SH3RF2: variants seen among roughly 807,000 people sequenced by gnomAD.
SH3RF2 encodes E3 ubiquitin-protein ligase SH3RF2.
SH3RF2 carries 43 observed loss-of-function variants against 59.0 expected under a neutral mutation model. The ratio of observed to expected loss-of-function variants is 0.73; its 90% confidence interval spans 0.57 to 0.94. SH3RF2 has a LOEUF of 0.94. Ranked by LOEUF, SH3RF2 falls within the 40% of genes least tolerant of loss-of-function variation. The probability of loss-of-function intolerance (pLI) is 0.00; values close to 1 mark genes in which losing one functional copy is unlikely to be tolerated. For synonymous variants in SH3RF2, 391 were observed against 391.5 expected (o/e 1.00, Z 0.01); for missense variants, 930 against 940.1 (o/e 0.99, Z 0.14).
intron 9 of SH3RF2, among the ~76,000 whole-genome samples, chr5:146,061,661 T>C (rs1013300522): frequency 1.3e-5 from 2 of 152,108 alleles, no homozygotes; most frequent in African/African-American, 4.8e-5. Context: ...TACCTATGGG[T>C]GCCTAGCAGA....
intron 3 of SH3RF2, among the ~76,000 whole-genome samples, chr5:146,003,741 A>G (rs1031019486): frequency 6.6e-6 from 1 of 152,216 alleles, no homozygotes; most frequent in Non-Finnish European, 1.5e-5. Context: ...TATGGCTTCC[A>G]TCTTGATTTC....
At chr5:145,999,463 A>G (rs551090134) in intron 2 of SH3RF2, among the ~76,000 whole-genome samples, 55 of 152,334 alleles carry the variant, frequency 3.6e-4, no homozygotes, top group African/African-American at 1.3e-3. Context: ...CTTTTGGCCT[A>G]TCTCAGCTTT....
At chr5:146,055,922 T>C (rs1762647695) in intron 7 of SH3RF2, 59 bp from the exon 8 acceptor site, 12 of 1,571,620 alleles carry the variant, frequency 7.6e-6, no homozygotes, top group Non-Finnish European at 1.0e-5. Context: ...AATAGGACTC[T>C]TGACTGAACA....
At chr5:146,037,886 G>A (rs1761995717) in intron 5 of SH3RF2, among the ~76,000 whole-genome samples, 1 of 152,140 alleles carries the variant, frequency 6.6e-6, no homozygotes, top group Non-Finnish European at 1.5e-5. Context: ...GAAAGGAAAA[G>A]TATAGTTCTG....
chr5:145,975,272 C>T (rs920626729), intron 2 of SH3RF2, among the ~76,000 whole-genome samples: 25 of 152,208 alleles, frequency 1.6e-4, no homozygotes, highest in African/African-American at 5.8e-4. Context: ...AAAATGGCTC[C>T]AAAAGTGCCA....
chr5:146,030,919 T>A (rs1434137716), intron 5 of SH3RF2, among the ~76,000 whole-genome samples: 2 of 152,206 alleles, frequency 1.3e-5, no homozygotes, highest in Admixed American at 1.3e-4. Flanking sequence ...AAGGAAACAG[T>A]TAGGCAGTAG....
At chr5:146,011,118 A>T (rs560257876) in intron 4 of SH3RF2, among the ~76,000 whole-genome samples, 1 of 152,244 alleles carries the variant, frequency 6.6e-6, no homozygotes, top group South Asian at 2.1e-4. Flanking sequence ...TTTTCCCAGC[A>T]CCATTTATTA....
In SH3RF2 at chr5:146,062,596, C is replaced by T; in HGVS notation, c.2085C>T (p.Cys695=). The T allele has an allele frequency of 6.2e-7, 1 of 1,614,200 alleles. No homozygotes were observed. The highest frequency in any genetic ancestry group is 8.5e-7 in the Non-Finnish European group (1 of 1,180,016). The part of the protein sequence containing the change: ...MTVLFAHRSG[C]HSGQQTDLRR... ...TCCTATTTGCCCACCGAAGTGGCTGCCACTCCGGACAGCAGACAGACCTCC... is the reference window on the plus strand; with the variant it reads ...TCCTATTTGCCCACCGAAGTGGCTGTCACTCCGGACAGCAGACAGACCTCC... Residue 695 remains cysteine (C), a synonymous_variant, in exon 10 of 10, where the codon TGC becomes TGT. Transcript: ENST00000359120.
intron 4 of SH3RF2, among the ~76,000 whole-genome samples, chr5:146,010,274 A>G (rs576883887): frequency 6.6e-6 from 1 of 152,312 alleles, no homozygotes; most frequent in Non-Finnish European, 1.5e-5. Flanking sequence ...AATCCAGTCT[A>G]TCAGTGATGG....
chr5:145,988,073 G>A (rs1759785884), intron 2 of SH3RF2, among the ~76,000 whole-genome samples: 1 of 152,140 alleles, frequency 6.6e-6, no homozygotes, highest in South Asian at 2.1e-4. Flanking sequence ...GCACATTAGG[G>A]CAGAGTCCAG....
In SH3RF2 at chr5:145,999,155, T is replaced by A. The variant is rs1760289826; in HGVS notation, c.379-903T>A. 3.3e-5 allele frequency among the ~76,000 whole-genome samples: 5 copies of A among 152,210 alleles called. No individual in the cohort carries two copies. In the South Asian group the frequency reaches 1.0e-3, roughly 32 times the overall value. On this transcript the variant is annotated intron_variant, in intron 2 of 9. Transcript: ENST00000359120. ...TTTTATGTTATAGAGACAGCTTCTCTTCTTAAACCTCAGACTATCTCTGCC... is the reference window on the plus strand; with the variant it reads ...TTTTATGTTATAGAGACAGCTTCTCATCTTAAACCTCAGACTATCTCTGCC...
At chr5:145,997,609 AG>A in intron 2 of SH3RF2, 2 of 1,599,538 alleles carry the variant, frequency 1.3e-6, no homozygotes, top group Non-Finnish European at 8.6e-7. Flanking sequence ...TTTAAGTTTA[AG>A]AAAATTACTT....
At chr5:145,976,751 G>A (rs931066779) in intron 2 of SH3RF2, among the ~76,000 whole-genome samples, 3 of 152,222 alleles carry the variant, frequency 2.0e-5, no homozygotes, top group African/African-American at 7.2e-5. Context: ...ACAAAATCTT[G>A]CATGCCTAAG....
At chr5:146,074,451 G>A (rs1169620747) in intron 9 of SH3RF2, among the ~76,000 whole-genome samples, 1 of 152,000 alleles carries the variant, frequency 6.6e-6, no homozygotes, top group Non-Finnish European at 1.5e-5. Context: ...TCTCTACAAC[G>A]AGGGACTTGG....
At chr5:145,973,152 T>C (rs1759152837) in intron 2 of SH3RF2, among the ~76,000 whole-genome samples, 1 of 151,726 alleles carries the variant, frequency 6.6e-6, no homozygotes. Context: ...GTTGAAAAAA[T>C]AAAAGTGGTT....
At chr5:145,976,775 G>C (rs901833035) in intron 2 of SH3RF2, among the ~76,000 whole-genome samples, 1 of 152,206 alleles carries the variant, frequency 6.6e-6, no homozygotes, top group Non-Finnish European at 1.5e-5. Context: ...TCGATTAATA[G>C]CTGGGCTTAC....
At position 145,997,833 on chromosome 5, in the gene SH3RF2, C is replaced by T. The variant is rs942011723; in HGVS notation, c.379-2225C>T. 1.3e-5 allele frequency: 17 copies of T among 1,359,618 alleles called. No individual in the cohort carries two copies. The East Asian group carries it at 3.7e-4, about 29-fold the overall frequency. 84.2% of individuals were successfully genotyped at this position (1,359,618 alleles called of 1,614,324 possible). ...AGGATCCCCCGCCGAAATAGAAGTA[C>T]CTGCAAAAACAACTCACATCTTGAA... On this transcript the variant is annotated intron_variant, in intron 2 of 9. Coordinates refer to ENST00000359120, the MANE Select transcript of SH3RF2 (RefSeq NM_152550.4).
At chr5:145,956,764 G>A (rs527344941) in intron 2 of SH3RF2, among the ~76,000 whole-genome samples, 9 of 152,344 alleles carry the variant, frequency 5.9e-5, no homozygotes, top group African/African-American at 2.2e-4. Context: ...TGTAAAGAAA[G>A]GATTGTGAAG....
intron 4 of SH3RF2, among the ~76,000 whole-genome samples, chr5:146,008,587 T>C (rs1036248393): frequency 3.3e-5 from 5 of 152,202 alleles, no homozygotes; most frequent in Non-Finnish European, 7.3e-5. Flanking sequence ...CCCCTATTTC[T>C]GTTCTGGCAC....
Sources: allele counts gnomAD v4.1 joint callset (sites outside exome capture counted in the v4.1 genomes callset), GRCh38; gene constraint gnomAD v4.1.1; transcripts MANE v1.5; gene names NCBI Gene and HGNC (gene_info 2026-07-23, HGNC 2026-07-21).